The following CDH18 variants were observed in gnomAD, a reference collection of about 807,000 sequenced individuals.
CDH18 encodes the protein cadherin-18.
In CDH18, 31 loss-of-function variants were observed where a neutral mutation model predicts 67.9. The observed-to-expected ratio is 0.46, with a 90% CI of 0.34 to 0.62. CDH18 has a LOEUF of 0.62. Ranked by LOEUF, CDH18 falls within the 20% of genes least tolerant of loss-of-function variation. The probability of loss-of-function intolerance (pLI) is 0.01; values close to 1 mark genes in which losing one functional copy is unlikely to be tolerated. For synonymous variants in CDH18, 362 were observed against 347.2 expected (o/e 1.04, Z -0.48); for missense variants, 890 against 975.5 (o/e 0.91, Z 1.17).
intron 2 of CDH18, among the ~76,000 whole-genome samples, chr5:20,040,925 G>A (rs114313478): frequency 0.015 from 2,317 of 152,290 alleles, 35 homozygotes; most frequent in Non-Finnish European, 0.025. Flanking sequence ...CACACAGATT[G>A]TTTAAGTATT....
At chr5:19,917,634 G>A (rs182506201) in intron 2 of CDH18, among the ~76,000 whole-genome samples, 16 of 152,150 alleles carry the variant, frequency 1.1e-4, no homozygotes, top group East Asian at 3.9e-4. Context: ...TCCGTGTATC[G>A]CTCATGGGTC....
At chr5:19,839,999 C>A (rs1782093824) in intron 2 of CDH18, among the ~76,000 whole-genome samples, 1 of 151,596 alleles carries the variant, frequency 6.6e-6, no homozygotes, top group Non-Finnish European at 1.5e-5. Context: ...TGGCTCACGC[C>A]TGTAATCCCG....
At chr5:20,332,749 T>G (rs2150028138) in intron 1 of CDH18, among the ~76,000 whole-genome samples, 1 of 152,274 alleles carries the variant, frequency 6.6e-6, no homozygotes, top group South Asian at 2.1e-4. Flanking sequence ...CATAAAAACT[T>G]ATAAAAACAA....
chr5:20,484,812 C>T lies in CDH18; in HGVS notation c.-580+90650G>A, dbSNP rs140271768. Among the ~76,000 whole-genome samples, 785 of 151,654 alleles carry T rather than the reference C, an allele frequency of 5.2e-3. 4 individuals carry two copies. The highest frequency in any genetic ancestry group is 0.018 in the African/African-American group (736 of 41,414). On this transcript the variant is annotated intron_variant, in intron 1 of 14. Coordinates refer to the CDH18 transcript ENST00000507958. Reference sequence around the variant, plus strand: ...TACCAGAGGCTGGGAAGGGTAGTGGCGGGATAATTAATGGGTTCAAAAATA... The same window carrying T: ...TACCAGAGGCTGGGAAGGGTAGTGGTGGGATAATTAATGGGTTCAAAAATA...
intron 2 of CDH18, among the ~76,000 whole-genome samples, chr5:19,929,250 G>C (rs1793425379): frequency 6.6e-6 from 1 of 151,978 alleles, no homozygotes; most frequent in Non-Finnish European, 1.5e-5. Flanking sequence ...ACAAAAGACA[G>C]GCCTTTTAAT....
intron 2 of CDH18, among the ~76,000 whole-genome samples, chr5:20,107,246 A>G (rs1451111429): frequency 6.6e-6 from 1 of 151,828 alleles, no homozygotes; most frequent in Non-Finnish European, 1.5e-5. Context: ...ACGCCCGGCT[A>G]TTTTTTTAGT....
intron 2 of CDH18, among the ~76,000 whole-genome samples, chr5:20,255,173 ACAATATCACTACC>A (rs1427680671): frequency 6.6e-6 from 1 of 152,150 alleles, no homozygotes; most frequent in Non-Finnish European, 1.5e-5. Context: ...ACCACTGGGT[ACAATATCACTACC>A]TGGGTACAAT....
chr5:20,532,093 G>T (rs1306713087), intron 1 of CDH18, among the ~76,000 whole-genome samples: 1 of 151,888 alleles, frequency 6.6e-6, no homozygotes, highest in Non-Finnish European at 1.5e-5. Context: ...TACCTTACAA[G>T]TTTAATGGAA....
intron 3 of CDH18, among the ~76,000 whole-genome samples, chr5:19,819,872 C>T (rs1285562454): frequency 2.6e-5 from 4 of 152,104 alleles, no homozygotes; most frequent in Non-Finnish European, 2.9e-5. Context: ...TTAGCTGGCC[C>T]CTCCCGAGGT....
intron 3 of CDH18, among the ~76,000 whole-genome samples, chr5:19,783,525 A>G (rs1330779669): frequency 6.6e-6 from 1 of 152,138 alleles, no homozygotes; most frequent in Admixed American, 6.5e-5. Flanking sequence ...CATACTAGTG[A>G]TTGCTGTTAT....
At chr5:19,598,972 A>C (rs958165202) in intron 6 of CDH18, among the ~76,000 whole-genome samples, 3 of 152,148 alleles carry the variant, frequency 2.0e-5, no homozygotes, top group African/African-American at 7.2e-5. Flanking sequence ...TATTAATGAA[A>C]AATTGGAATA....
chr5:19,503,918 C>G (rs758787692), intron 10 of CDH18, among the ~76,000 whole-genome samples: 1 of 151,952 alleles, frequency 6.6e-6, no homozygotes, highest in African/African-American at 2.4e-5. Context: ...TCATTCAACC[C>G]TTTCCTTAGA....
At chr5:19,593,707 C>CCTCCTCCTCCTCCTTCTT in intron 6 of CDH18, among the ~76,000 whole-genome samples, 35 of 33,394 alleles carry the variant, frequency 1.0e-3, no homozygotes, top group African/African-American at 3.9e-3. Context: ...TCCTCCTCCT[C>CCTCCTCCTCCTCCTTCTT]CTTCTTCTTC....
chr5:20,323,095 A>G (rs1421938770), intron 1 of CDH18, among the ~76,000 whole-genome samples: 1 of 152,178 alleles, frequency 6.6e-6, no homozygotes, highest in African/African-American at 2.4e-5. Flanking sequence ...AAGATAATTC[A>G]CACGGTGAAT....
intron 2 of CDH18, among the ~76,000 whole-genome samples, chr5:20,135,892 T>C (rs1749672301): frequency 6.6e-6 from 1 of 152,226 alleles, no homozygotes; most frequent in Non-Finnish European, 1.5e-5. Context: ...TTCCATGTAG[T>C]TGTGCAGTTT....
intron 2 of CDH18, among the ~76,000 whole-genome samples, chr5:20,246,015 A>G (rs1261205429): frequency 1.3e-5 from 2 of 152,166 alleles, no homozygotes; most frequent in African/African-American, 4.8e-5. Flanking sequence ...AGCTGAAGAA[A>G]GACTACCACA....
intron 1 of CDH18, among the ~76,000 whole-genome samples, chr5:20,301,989 T>A (rs1354923591): frequency 6.6e-6 from 1 of 152,048 alleles, no homozygotes. Context: ...GCATAACAAA[T>A]TTTTTTGCTT....
At chr5:20,417,882 G>C (rs1269705353) in intron 1 of CDH18, among the ~76,000 whole-genome samples, 1 of 152,070 alleles carries the variant, frequency 6.6e-6, no homozygotes, top group Non-Finnish European at 1.5e-5. Flanking sequence ...ATAGTAATTA[G>C]ACTTTTCTGT....
At chr5:19,669,906 A>G (rs114393956) in intron 5 of CDH18, among the ~76,000 whole-genome samples, 153 of 152,306 alleles carry the variant, frequency 1.0e-3, no homozygotes, top group East Asian at 2.5e-3. Flanking sequence ...TTTATGTTAT[A>G]GATCTTAACA....
Sources: allele counts gnomAD v4.1 joint callset (sites outside exome capture counted in the v4.1 genomes callset), GRCh38; gene constraint gnomAD v4.1.1; transcripts MANE v1.5; gene names NCBI Gene and HGNC (gene_info 2026-07-23, HGNC 2026-07-21).